The following TBC1D22A variants were observed in gnomAD, a reference collection of about 807,000 sequenced individuals.
TBC1D22A encodes TBC1 domain family member 22A.
Under a neutral mutation model 60.2 loss-of-function variants are expected in TBC1D22A, and 38 were observed. The observed-to-expected ratio is 0.63, with a 90% confidence interval of 0.49 to 0.83. The LOEUF is 0.83. Ranked by LOEUF, TBC1D22A falls within the 40% of genes least tolerant of loss-of-function variation. TBC1D22A has a pLI of 0.00. For synonymous variants in TBC1D22A, 302 were observed against 281.7 expected, an observed-to-expected ratio of 1.07 and a Z score of -0.72; for missense variants, 628 against 701.0, an observed-to-expected ratio of 0.90 and a Z score of 1.18.
intron 4 of TBC1D22A, among the ~76,000 whole-genome samples, chr22:46,808,810 G>A (rs1165463515): frequency 2.0e-5 from 3 of 152,184 alleles, no homozygotes; most frequent in Non-Finnish European, 4.4e-5. Context: ...TAGCCAGGAT[G>A]GTCTCAATCT....
At chr22:46,913,549 TCC>T in intron 8 of TBC1D22A, 1 of 1,212,046 alleles carries the variant, frequency 8.3e-7, no homozygotes, top group South Asian at 1.5e-5. Context: ...CTCGGCTCAC[TCC>T]CTAATCATCT....
chr22:47,066,299 T>A (rs528361325), intron 11 of TBC1D22A, among the ~76,000 whole-genome samples: 1 of 152,104 alleles, frequency 6.6e-6, no homozygotes. Flanking sequence ...GCTGCCTGAA[T>A]CCTGAAGTGG....
In TBC1D22A at chr22:47,096,721, C is replaced by T. The variant is rs2065189948; in HGVS notation, c.1330-14787C>T. ...CCTGTAAGCCCAGCTACTTGGGAGG[C>T]TGAGGCAGGAGAATTGCTTGAACCT... On this transcript the variant is annotated intron_variant, in intron 11 of 12. Transcript: ENST00000337137. Among the ~76,000 whole-genome samples, 3 of 152,130 alleles carry T rather than the reference C, an allele frequency of 2.0e-5. No individual in the cohort carries two copies. The South Asian group carries it at 6.2e-4, about 32-fold the overall frequency.
intron 4 of TBC1D22A, among the ~76,000 whole-genome samples, chr22:46,812,752 T>C (rs538975663): frequency 2.0e-5 from 3 of 152,362 alleles, no homozygotes; most frequent in South Asian, 2.1e-4. Context: ...CCTTGTTTTA[T>C]TATCATACTT....
intron 7 of TBC1D22A, among the ~76,000 whole-genome samples, chr22:46,901,585 C>T (rs1430999867): frequency 6.6e-6 from 1 of 152,156 alleles, no homozygotes; most frequent in Non-Finnish European, 1.5e-5. Context: ...AGGTTGTAAA[C>T]ATATAGTCAG....
At chr22:47,064,736 C>T (rs2063697165) in intron 11 of TBC1D22A, among the ~76,000 whole-genome samples, 1 of 152,164 alleles carries the variant, frequency 6.6e-6, no homozygotes, top group African/African-American at 2.4e-5. Context: ...CTGAGATTGT[C>T]CCTCTAAGTG....
In TBC1D22A at chr22:46,797,496, G is replaced by A. The variant is rs199612126; in HGVS notation, c.513G>A (p.Ser171=). The change falls in exon 4 of 13, where the codon TCG becomes TCA. Residue 171 remains serine, a synonymous_variant. Transcript: ENST00000337137. ...AGAGGTCCCAGTCTCTCCCACACTC[G>A]GCCACCGTCACGCTGGGTGGCACAT... The part of the protein sequence containing the change: ...PLQRSQSLPH[S]ATVTLGGTSD... 11 of 1,613,738 alleles carry A rather than the reference G, an allele frequency of 6.8e-6. No homozygotes were observed. Among genetic ancestry groups the A allele is most frequent in the African/African-American group, 2.7e-5 (2 of 74,976 alleles).
chr22:46,975,963 A>G (rs1454582010), intron 9 of TBC1D22A, among the ~76,000 whole-genome samples: 2 of 152,184 alleles, frequency 1.3e-5, no homozygotes, highest in African/African-American at 2.4e-5. Flanking sequence ...CACTAGAGAT[A>G]TATTTTGGCC....
At chr22:46,807,666 T>A (rs2085206631) in intron 4 of TBC1D22A, among the ~76,000 whole-genome samples, 1 of 152,186 alleles carries the variant, frequency 6.6e-6, no homozygotes, top group South Asian at 2.1e-4. Context: ...ATTTTGCAGA[T>A]CAAGAAACTG....
At chr22:46,791,040 T>A (rs183640184) in intron 1 of TBC1D22A, among the ~76,000 whole-genome samples, 14 of 152,162 alleles carry the variant, frequency 9.2e-5, no homozygotes. Context: ...ATCCGGCCAT[T>A]TTTTTGTAAT....
At chr22:47,114,395 G>A (rs2065956739) in intron 12 of TBC1D22A, among the ~76,000 whole-genome samples, 1 of 152,132 alleles carries the variant, frequency 6.6e-6, no homozygotes, top group South Asian at 2.1e-4. Flanking sequence ...TAGAGGAAGA[G>A]GAAGTTGGTT....
At chr22:46,801,708 G>T (rs2084904533) in intron 4 of TBC1D22A, among the ~76,000 whole-genome samples, 1 of 152,248 alleles carries the variant, frequency 6.6e-6, no homozygotes, top group Non-Finnish European at 1.5e-5. Context: ...GTGGAGCTCA[G>T]CTCTGGCCCT....
intron 1 of TBC1D22A, among the ~76,000 whole-genome samples, chr22:46,769,173 T>C (rs1006188444): frequency 5.3e-5 from 8 of 150,338 alleles, no homozygotes; most frequent in East Asian, 3.9e-4. Context: ...ATGTGAGTGC[T>C]GGGATAAAGC....
At chr22:47,168,971 G>A (rs912449581) in intron 12 of TBC1D22A, among the ~76,000 whole-genome samples, 4 of 151,706 alleles carry the variant, frequency 2.6e-5, no homozygotes, top group Non-Finnish European at 2.9e-5. Flanking sequence ...TCTGCTCTTC[G>A]GCATCGGGAG....
intron 12 of TBC1D22A, among the ~76,000 whole-genome samples, chr22:47,132,201 G>A (rs1316888859): frequency 6.6e-6 from 1 of 152,128 alleles, no homozygotes; most frequent in Non-Finnish European, 1.5e-5. Flanking sequence ...GGAAGAGATG[G>A]GGTCTGCCTG....
At position 46,793,464 on chromosome 22, in the gene TBC1D22A, C is replaced by T. The variant is rs755155720; in HGVS notation, c.120-37C>T. 41 of 1,606,018 alleles carry T rather than the reference C, an allele frequency of 2.6e-5. No homozygotes were observed. In the South Asian group the frequency reaches 2.6e-4, roughly 10 times the overall value. ...CCTGGCTGGTTTTGGGTGAAGCCTT[C>T]GAGCATGTACGAGTAAAGACTGCCT... On this transcript the variant is annotated intron_variant, in intron 2 of 12. Transcript: ENST00000337137.
intron 1 of TBC1D22A, among the ~76,000 whole-genome samples, chr22:46,785,451 A>T (rs1473088289): frequency 6.6e-6 from 1 of 152,208 alleles, no homozygotes; most frequent in African/African-American, 2.4e-5. Context: ...ATAGAACACA[A>T]TTCACCCACA....
chr22:47,143,511 C>T (rs1442333441), intron 12 of TBC1D22A, among the ~76,000 whole-genome samples: 1 of 152,248 alleles, frequency 6.6e-6, no homozygotes, highest in Non-Finnish European at 1.5e-5. Flanking sequence ...AGTGCAGTGG[C>T]CCTACACCTT....
intron 12 of TBC1D22A, among the ~76,000 whole-genome samples, chr22:47,119,140 C>T (rs1196284989): frequency 6.6e-6 from 1 of 152,126 alleles, no homozygotes; most frequent in Non-Finnish European, 1.5e-5. Flanking sequence ...AGCAAGACTC[C>T]ATCTCAAAAT....
Sources: gnomAD v4.1 joint callset for allele counts (sites outside exome capture counted in the v4.1 genomes callset) on GRCh38, gnomAD v4.1.1 for gene constraint, MANE v1.5 for transcripts, NCBI Gene and HGNC (gene_info 2026-07-23, HGNC 2026-07-21) for gene names.